The following PPM1H variants were observed in gnomAD, a reference collection of about 807,000 sequenced individuals.
The protein encoded by PPM1H is protein phosphatase 1H.
A neutral mutation model predicts 54.9 loss-of-function variants in PPM1H; 27 were observed. The observed-to-expected ratio is 0.49, with a 90% CI of 0.36 to 0.68. PPM1H has a LOEUF of 0.68. PPM1H is among the 30% of genes least tolerant of loss of function. The probability of loss-of-function intolerance (pLI) is 0.00; values close to 1 mark genes in which losing one functional copy is unlikely to be tolerated. For synonymous variants in PPM1H, 305 were observed against 270.8 expected (o/e 1.13, Z -1.24); for missense variants, 596 against 667.8 (o/e 0.89, Z 1.19).
intron 1 of PPM1H, among the ~76,000 whole-genome samples, chr12:62,859,281 G>T (rs931478102): frequency 1.3e-5 from 2 of 152,116 alleles, no homozygotes; most frequent in Non-Finnish European, 2.9e-5. Context: ...AAAAAGCAAG[G>T]TCAGATCTCA....
At chr12:62,679,554 G>T (rs773602663) in intron 8 of PPM1H, among the ~76,000 whole-genome samples, 4 of 152,134 alleles carry the variant, frequency 2.6e-5, no homozygotes, top group African/African-American at 4.8e-5. Context: ...AATTTTGGGG[G>T]CTCTCAAGAA....
chr12:62,830,466 AG>A (rs1400873087), intron 2 of PPM1H, among the ~76,000 whole-genome samples: 1 of 152,156 alleles, frequency 6.6e-6, no homozygotes, highest in Non-Finnish European at 1.5e-5. Context: ...TGTGTTAGCC[AG>A]GATGGTCTCG....
intron 1 of PPM1H, among the ~76,000 whole-genome samples, chr12:62,835,480 G>A (rs1352695876): frequency 6.6e-6 from 1 of 152,188 alleles, no homozygotes; most frequent in East Asian, 1.9e-4. Context: ...TCAGAGGTCT[G>A]TCCTGCAATG....
intron 1 of PPM1H, among the ~76,000 whole-genome samples, chr12:62,858,096 G>A (rs1869459211): frequency 1.4e-5 from 2 of 143,744 alleles, no homozygotes; most frequent in Admixed American, 6.9e-5. Context: ...ACCCCACCAC[G>A]CCCCCTACCA....
At chr12:62,831,707 ATGTGTGTGTGT>A (rs1868360470) in intron 2 of PPM1H, among the ~76,000 whole-genome samples, 1 of 117,164 alleles carries the variant, frequency 8.5e-6, no homozygotes, top group Non-Finnish European at 1.8e-5. Context: ...TTGTGTGTGT[ATGTGTGTGTGT>A]GTGTGTGTGT....
At position 62,911,621 on chromosome 12, in the gene PPM1H, C is replaced by T. The variant is rs1871463066; in HGVS notation, c.245+22871G>A. ...CTGAGTCTTTGCACATCAGTTTCTACTTTCAGAGAATGGGTTGGCTGATTC... is the reference window on the plus strand; with the variant it reads ...CTGAGTCTTTGCACATCAGTTTCTATTTTCAGAGAATGGGTTGGCTGATTC... On this transcript the variant is annotated intron_variant, in intron 1 of 9. Coordinates refer to ENST00000228705, the MANE Select transcript of PPM1H (RefSeq NM_020700.2). 2.6e-5 allele frequency among the ~76,000 whole-genome samples: 4 copies of T among 152,308 alleles called. 1 individual carries two copies. The highest frequency in any genetic ancestry group is 2.1e-4 in the South Asian group (1 of 4,830).
chr12:62,808,159 T>C (rs2076816102), intron 2 of PPM1H, among the ~76,000 whole-genome samples: 1 of 152,218 alleles, frequency 6.6e-6, no homozygotes, highest in South Asian at 2.1e-4. Context: ...ATAAACCTTA[T>C]ATAGCAGGCA....
At chr12:62,701,667 T>G (rs188504313) in intron 6 of PPM1H, among the ~76,000 whole-genome samples, 78 of 151,416 alleles carry the variant, frequency 5.2e-4, no homozygotes, top group Non-Finnish European at 8.8e-4. Context: ...AACAATGGCT[T>G]TCTTGTTTGT....
At chr12:62,780,117 A>G (rs2076632773) in intron 4 of PPM1H, among the ~76,000 whole-genome samples, 1 of 152,240 alleles carries the variant, frequency 6.6e-6, no homozygotes, top group Non-Finnish European at 1.5e-5. Context: ...CTTACTATGG[A>G]CAAAGTAAGC....
intron 1 of PPM1H, among the ~76,000 whole-genome samples, chr12:62,878,560 G>A (rs1870264505): frequency 6.7e-6 from 1 of 149,320 alleles, no homozygotes; most frequent in African/African-American, 2.5e-5. Flanking sequence ...AGGGTCCCAT[G>A]GGAGGATGGT....
At chr12:62,709,962 C>A (rs866630620) in intron 6 of PPM1H, among the ~76,000 whole-genome samples, 2 of 151,884 alleles carry the variant, frequency 1.3e-5, no homozygotes, top group South Asian at 2.1e-4. Flanking sequence ...CCCAGCTACT[C>A]GGGAGGCCGA....
intron 7 of PPM1H, among the ~76,000 whole-genome samples, chr12:62,693,712 A>C (rs2076096461): frequency 6.6e-6 from 1 of 152,224 alleles, no homozygotes; most frequent in South Asian, 2.1e-4. Context: ...TTTTCACAAA[A>C]TTGGCTTGAG....
chr12:62,755,134 T>C (rs895851774), intron 4 of PPM1H: 1 of 421,872 alleles, frequency 2.4e-6, no homozygotes, highest in Non-Finnish European at 4.4e-6. Flanking sequence ...TATTTGTATA[T>C]TTAAATTGTA....
intron 1 of PPM1H, among the ~76,000 whole-genome samples, chr12:62,849,077 T>C (rs1488699004): frequency 1.3e-5 from 2 of 151,912 alleles, no homozygotes; most frequent in Non-Finnish European, 2.9e-5. Flanking sequence ...AAAGAAATGG[T>C]AACAGAGGGT....
intron 4 of PPM1H, among the ~76,000 whole-genome samples, chr12:62,745,315 G>C (rs2120556239): frequency 6.6e-6 from 1 of 152,266 alleles, no homozygotes; most frequent in East Asian, 1.9e-4. Flanking sequence ...TCCCACCTCA[G>C]TCTCCCAAAG....
intron 7 of PPM1H, among the ~76,000 whole-genome samples, chr12:62,693,250 C>A (rs529564160): frequency 6.6e-6 from 1 of 152,326 alleles, no homozygotes; most frequent in South Asian, 2.1e-4. Context: ...ACTTTAGGAT[C>A]CACAGCTTTT....
At chr12:62,850,159 G>T (rs969967652) in intron 1 of PPM1H, among the ~76,000 whole-genome samples, 2 of 151,828 alleles carry the variant, frequency 1.3e-5, no homozygotes, top group African/African-American at 4.8e-5. Context: ...TAGATACAGG[G>T]TTTCACCATG....
chr12:62,708,860 C>T (rs899252500), intron 6 of PPM1H, among the ~76,000 whole-genome samples: 1 of 152,144 alleles, frequency 6.6e-6, no homozygotes, highest in African/African-American at 2.4e-5. Flanking sequence ...AGTTTTTCAG[C>T]TCACACCCCC....
intron 4 of PPM1H, among the ~76,000 whole-genome samples, chr12:62,749,601 A>G (rs2076430214): frequency 6.6e-6 from 1 of 152,232 alleles, no homozygotes; most frequent in Non-Finnish European, 1.5e-5. Context: ...GTATCAAAAA[A>G]TAGCTGAAAG....
Sources: allele counts gnomAD v4.1 joint callset (sites outside exome capture counted in the v4.1 genomes callset), GRCh38; gene constraint gnomAD v4.1.1; transcripts MANE v1.5; gene names NCBI Gene and HGNC (gene_info 2026-07-23, HGNC 2026-07-21).